The following SLC35F3 variants were observed in gnomAD, a reference collection of about 807,000 sequenced individuals.
The protein encoded by SLC35F3 is putative thiamine transporter SLC35F3.
SLC35F3 carries 25 observed loss-of-function variants against 49.9 expected under a neutral mutation model. The observed-to-expected ratio is 0.50, with a 90% CI of 0.37 to 0.70. The LOEUF is 0.70. Ranked by LOEUF, SLC35F3 falls within the 30% of genes least tolerant of loss-of-function variation. The pLI is 0.00. For synonymous variants in SLC35F3, 275 were observed against 265.4 expected (o/e 1.04, Z -0.35); for missense variants, 525 against 639.8 (o/e 0.82, Z 1.94).
chr1:234,033,644 T>C (rs1664097475), intron 2 of SLC35F3, among the ~76,000 whole-genome samples: 1 of 152,228 alleles, frequency 6.6e-6, no homozygotes, highest in Non-Finnish European at 1.5e-5. Flanking sequence ...TTGTTCGCTT[T>C]GTCGAAGATC....
intron 2 of SLC35F3, among the ~76,000 whole-genome samples, chr1:234,149,407 G>A (rs1238243647): frequency 4.6e-5 from 7 of 152,202 alleles, no homozygotes; most frequent in African/African-American, 1.7e-4. Flanking sequence ...TAAAGAGTTA[G>A]TAATGGTTTT....
chr1:234,072,885 A>G (rs901634562), intron 2 of SLC35F3, among the ~76,000 whole-genome samples: 1 of 152,196 alleles, frequency 6.6e-6, no homozygotes, highest in Non-Finnish European at 1.5e-5. Context: ...GGCTTTGATT[A>G]GAGGAGTGGC....
chr1:234,030,076 T>G (rs1664036542), intron 2 of SLC35F3, among the ~76,000 whole-genome samples: 1 of 152,308 alleles, frequency 6.6e-6, no homozygotes, highest in Non-Finnish European at 1.5e-5. Flanking sequence ...AATGTAGCAC[T>G]CAGCTCTAAT....
chr1:233,935,219 C>CTTTTTTTT (rs1662304996), intron 2 of SLC35F3, among the ~76,000 whole-genome samples: 1 of 10,828 alleles, frequency 9.2e-5, no homozygotes, highest in Non-Finnish European at 1.9e-4. Context: ...TTTTTTTTTG[C>CTTTTTTTT]ATACCTGAAA....
chr1:233,995,673 G>A (rs1325997826), intron 2 of SLC35F3, among the ~76,000 whole-genome samples: 2 of 152,166 alleles, frequency 1.3e-5, no homozygotes, highest in Non-Finnish European at 2.9e-5. Flanking sequence ...GCAGAGGAGA[G>A]GAAGGCAAAG....
At chr1:234,300,036 A>AT (rs1668669346) in intron 3 of SLC35F3, among the ~76,000 whole-genome samples, 1 of 151,772 alleles carries the variant, frequency 6.6e-6, no homozygotes, top group South Asian at 2.1e-4. Flanking sequence ...TTTGCAGTAA[A>AT]AAAATATAAC....
At chr1:234,020,652 G>C (rs1490484832) in intron 2 of SLC35F3, among the ~76,000 whole-genome samples, 1 of 152,126 alleles carries the variant, frequency 6.6e-6, no homozygotes, top group Non-Finnish European at 1.5e-5. Flanking sequence ...ACATTAACTT[G>C]AGAAGATTGT....
intron 2 of SLC35F3, among the ~76,000 whole-genome samples, chr1:234,095,326 A>G (rs1375003349): frequency 6.6e-6 from 1 of 152,170 alleles, no homozygotes; most frequent in East Asian, 1.9e-4. Flanking sequence ...CCAGGTGAGT[A>G]GGAAGGAGGG....
intron 2 of SLC35F3, among the ~76,000 whole-genome samples, chr1:234,154,583 A>C (rs1399713910): frequency 6.6e-6 from 1 of 152,190 alleles, no homozygotes; most frequent in Non-Finnish European, 1.5e-5. Context: ...CAGAGGCCAC[A>C]GGGGTCAGGC....
intron 2 of SLC35F3, among the ~76,000 whole-genome samples, chr1:234,221,514 G>A (rs906954994): frequency 1.3e-5 from 2 of 152,226 alleles, no homozygotes; most frequent in African/African-American, 4.8e-5. Context: ...AGCTGTGCTG[G>A]TGACTTTGAT....
Position 234,231,628 on chromosome 1 carries a change from G to C in SLC35F3, c.495G>C (p.Ala165=). Reference sequence around the variant, plus strand: ...AGCTGACCTTCAGGAAGTTCGACGCGCCCTTCACCCTCACGTGGTTTGCCA... The same window carrying C: ...AGCTGACCTTCAGGAAGTTCGACGCCCCCTTCACCCTCACGTGGTTTGCCA... ...LAKLTFRKFD[A]PFTLTWFATN... is the part of the protein sequence containing the mutation. The change falls in exon 3 of 8, where the codon GCG becomes GCC. Residue 165 remains alanine, a synonymous_variant. Coordinates refer to ENST00000366618, the MANE Select transcript of SLC35F3 (RefSeq NM_173508.4). The surrounding 1 kb of genome is among the most constrained non-coding windows in gnomAD (Gnocchi z 5.4). 1.2e-6 allele frequency: 2 copies of C among 1,614,210 alleles called. No individual in the cohort carries two copies. The highest frequency in any genetic ancestry group is 2.2e-5 in the South Asian group (2 of 91,084).
At chr1:234,044,690 A>G (rs1664265096) in intron 2 of SLC35F3, among the ~76,000 whole-genome samples, 1 of 152,200 alleles carries the variant, frequency 6.6e-6, no homozygotes, top group Admixed American at 6.5e-5. Context: ...TAGATTACCA[A>G]TACATTTTTT....
At chr1:234,152,797 C>T (rs944637839) in intron 2 of SLC35F3, among the ~76,000 whole-genome samples, 8 of 152,144 alleles carry the variant, frequency 5.3e-5, no homozygotes, top group Admixed American at 1.3e-4. Flanking sequence ...CTTGAAAAAT[C>T]GCCACACTGT....
intron 2 of SLC35F3, among the ~76,000 whole-genome samples, chr1:233,989,278 T>G (rs1044007092): frequency 9.2e-5 from 14 of 152,232 alleles, no homozygotes; most frequent in Non-Finnish European, 2.9e-5. Flanking sequence ...AATAATGCAA[T>G]ATTTACTAAG....
At chr1:233,939,033 T>A (rs1216476868) in intron 2 of SLC35F3, among the ~76,000 whole-genome samples, 1 of 152,184 alleles carries the variant, frequency 6.6e-6, no homozygotes, top group Non-Finnish European at 1.5e-5. Context: ...TTCTTCCCAA[T>A]CCTTGTTATG....
intron 2 of SLC35F3, among the ~76,000 whole-genome samples, chr1:233,999,441 CCTT>C (rs1444309179): frequency 1.3e-5 from 2 of 152,146 alleles, no homozygotes; most frequent in Non-Finnish European, 2.9e-5. Flanking sequence ...TCCAAGGGCT[CCTT>C]ATTTCCTGGA....
intron 2 of SLC35F3, among the ~76,000 whole-genome samples, chr1:234,109,148 CA>C (rs1335165987): frequency 3.3e-5 from 5 of 152,056 alleles, no homozygotes; most frequent in African/African-American, 1.2e-4. Flanking sequence ...GCATTGTTTG[CA>C]GTAAGAGTGA....
At chr1:234,101,252 C>A (rs1377399998) in intron 2 of SLC35F3, among the ~76,000 whole-genome samples, 1 of 152,060 alleles carries the variant, frequency 6.6e-6, no homozygotes, top group South Asian at 2.1e-4. Flanking sequence ...TTTTCCTTTA[C>A]ATACATAAGC....
At chr1:234,021,357 C>T (rs1663893001) in intron 2 of SLC35F3, among the ~76,000 whole-genome samples, 1 of 152,210 alleles carries the variant, frequency 6.6e-6, no homozygotes, top group Admixed American at 6.5e-5. Flanking sequence ...CATGCTCCCT[C>T]ATCATCAGAA....
Sources: allele counts gnomAD v4.1 joint callset (sites outside exome capture counted in the v4.1 genomes callset), GRCh38; gene constraint gnomAD v4.1.1; non-coding constraint Gnocchi (gnomAD v3.1); transcripts MANE v1.5; gene names NCBI Gene and HGNC (gene_info 2026-07-23, HGNC 2026-07-21).